The following ZNF385D variants were observed in gnomAD, a reference collection of about 807,000 sequenced individuals.
The protein encoded by ZNF385D is zinc finger protein 385D, also known as zinc finger protein 659.
A neutral mutation model predicts 35.8 loss-of-function variants in ZNF385D; 15 were observed. That is an observed-to-expected ratio of 0.42 (90% CI 0.28 to 0.64). ZNF385D has a LOEUF of 0.64. Among genes scored for constraint, ZNF385D ranks in the 30% least tolerant of loss-of-function variants. The pLI is 0.23. For missense variants in ZNF385D, 474 were observed against 494.6 expected, an observed-to-expected ratio of 0.96 and a Z score of 0.39; for synonymous variants, 212 against 186.8, an observed-to-expected ratio of 1.13 and a Z score of -1.10.
At chr3:22,294,015 T>C (rs563293831) in intron 2 of ZNF385D, among the ~76,000 whole-genome samples, 2 of 150,818 alleles carry the variant, frequency 1.3e-5, no homozygotes, top group Non-Finnish European at 2.9e-5. Flanking sequence ...TTGGCCTAGA[T>C]TGCAGCATTT....
chr3:21,494,591 G>A (rs1315737606), intron 4 of ZNF385D, among the ~76,000 whole-genome samples: 3 of 152,028 alleles, frequency 2.0e-5, no homozygotes, highest in Non-Finnish European at 2.9e-5. Context: ...CACTTCTTAC[G>A]GATTTTTTAT....
intron 2 of ZNF385D, among the ~76,000 whole-genome samples, chr3:22,320,304 G>C (rs1212147645): frequency 6.6e-6 from 1 of 152,062 alleles, no homozygotes; most frequent in African/African-American, 2.4e-5. Context: ...TAGTATTCTA[G>C]TAAGGGGAAA....
At chr3:22,174,163 G>A (rs986977740) in intron 2 of ZNF385D, among the ~76,000 whole-genome samples, 1 of 152,096 alleles carries the variant, frequency 6.6e-6, no homozygotes, top group African/African-American at 2.4e-5. Context: ...ATGAAAGTAT[G>A]TAAAATAGTG....
intron 3 of ZNF385D, among the ~76,000 whole-genome samples, chr3:22,061,035 G>T (rs887823219): frequency 1.3e-5 from 2 of 152,086 alleles, no homozygotes; most frequent in Admixed American, 1.3e-4. Flanking sequence ...TAAAAGGTTT[G>T]TTGATTTCTC....
chr3:21,592,421 T>G (rs2064001795), intron 2 of ZNF385D, among the ~76,000 whole-genome samples: 1 of 152,080 alleles, frequency 6.6e-6, no homozygotes. Flanking sequence ...AACAAGTTAA[T>G]GATTGCTACA....
chr3:22,212,779 A>G (rs1697607990), intron 2 of ZNF385D, among the ~76,000 whole-genome samples: 1 of 152,070 alleles, frequency 6.6e-6, no homozygotes, highest in Admixed American at 6.6e-5. Context: ...TAGTATAGCT[A>G]TAGTTAGCAA....
At chr3:21,908,120 ATC>A (rs1699779574) in intron 3 of ZNF385D, among the ~76,000 whole-genome samples, 2 of 37,192 alleles carry the variant, frequency 5.4e-5, no homozygotes, top group South Asian at 8.7e-4. Context: ...TTCTCTCTAT[ATC>A]TATCTATCTA....
At chr3:21,652,280 G>A (rs559617055) in intron 2 of ZNF385D, among the ~76,000 whole-genome samples, 45 of 152,080 alleles carry the variant, frequency 3.0e-4, no homozygotes, top group Admixed American at 3.3e-4. Flanking sequence ...TCTACTATAA[G>A]GCTTTTGAAC....
intron 2 of ZNF385D, among the ~76,000 whole-genome samples, chr3:22,350,783 C>CAA (rs1695880956): frequency 6.6e-6 from 1 of 152,010 alleles, no homozygotes; most frequent in Non-Finnish European, 1.5e-5. Flanking sequence ...AGACATTCTT[C>CAA]TGTGGCACTA....
Position 22,168,991 on chromosome 3 carries a change from G to T in ZNF385D, c.151C>A (p.Pro51Thr), listed in dbSNP as rs1038900882. Residue 51 changes from proline (P) to threonine (T), a missense_variant, in exon 3 of 6, where the codon CCT becomes ACT. Physicochemically the swap from Pro to Thr is conservative, Grantham distance 38. Coordinates refer to the ZNF385D transcript ENST00000494108. The stretch of plus-strand genomic sequence containing the variant: ...TCTGGTTTTTCTTCAAAGTCATCAG[G>T]TATTAATTCAGCCTCACTCTCGCCA... 10 of 985,672 alleles carry T rather than the reference G, an allele frequency of 1.0e-5. No homozygotes were observed. The African/African-American group carries it at 1.0e-4, about 10-fold the overall frequency. The allele number at this position is 985,672 out of a possible 1,614,324, so 61.1% of individuals were successfully genotyped here. A position where few individuals can be genotyped will look rare whatever the true frequency, so the allele number is the denominator to read the frequency against.
intron 3 of ZNF385D, among the ~76,000 whole-genome samples, chr3:21,909,710 G>C (rs996936862): frequency 6.6e-6 from 1 of 151,954 alleles, no homozygotes; most frequent in Non-Finnish European, 1.5e-5. Context: ...GAATGGATGT[G>C]GAGTAAGAAG....
chr3:21,788,526 T>C (rs1404942480), intron 3 of ZNF385D, among the ~76,000 whole-genome samples: 1 of 152,236 alleles, frequency 6.6e-6, no homozygotes, highest in Non-Finnish European at 1.5e-5. Flanking sequence ...TCAGAAATTT[T>C]GTTCTCATTT....
At chr3:22,211,228 A>G (rs190088221) in intron 2 of ZNF385D, among the ~76,000 whole-genome samples, 1 of 152,106 alleles carries the variant, frequency 6.6e-6, no homozygotes, top group Admixed American at 6.6e-5. Context: ...TCTGTAGTAC[A>G]TACCAGATAC....
chr3:22,138,677 A>T lies in ZNF385D; in HGVS notation c.325+30140T>A, dbSNP rs1249720004. Among the ~76,000 whole-genome samples the T allele has an allele frequency of 2.5e-4, 38 of 151,838 alleles. No individual in the cohort carries two copies. In the East Asian group the frequency reaches 6.2e-3, roughly 25 times the overall value. On this transcript the variant is annotated intron_variant, in intron 3 of 5. Transcript: ENST00000494108. ...AGACAAAAATTAATTCAAGATGGAT[A>T]AAAGACTTACATGTTAGACCTAAAA...
At chr3:21,896,536 C>A (rs1206339376) in intron 3 of ZNF385D, among the ~76,000 whole-genome samples, 1 of 152,024 alleles carries the variant, frequency 6.6e-6, no homozygotes, top group African/African-American at 2.4e-5. Flanking sequence ...GCCTTTTTTT[C>A]CCCCTGGTAT....
chr3:22,220,274 A>G (rs544353615), intron 2 of ZNF385D, among the ~76,000 whole-genome samples: 31 of 152,142 alleles, frequency 2.0e-4, no homozygotes, highest in African/African-American at 7.5e-4. Flanking sequence ...TATGTTGCCC[A>G]GACTGGTCTT....
At chr3:21,772,312 A>G (rs1181713002) in intron 3 of ZNF385D, among the ~76,000 whole-genome samples, 1 of 151,912 alleles carries the variant, frequency 6.6e-6, no homozygotes, top group Non-Finnish European at 1.5e-5. Context: ...GGAAGACAAT[A>G]TTTGCAAATC....
intron 2 of ZNF385D, among the ~76,000 whole-genome samples, chr3:21,623,990 C>T (rs757783650): frequency 3.9e-5 from 6 of 151,940 alleles, no homozygotes; most frequent in Non-Finnish European, 2.9e-5. Context: ...GGCTTTATGA[C>T]GACTTATGGT....
At chr3:21,923,771 C>G in intron 3 of ZNF385D, among the ~76,000 whole-genome samples, 1 of 152,092 alleles carries the variant, frequency 6.6e-6, no homozygotes, top group East Asian at 1.9e-4. Context: ...AAACCAAATA[C>G]CATAAGTTCT....
Sources: allele counts gnomAD v4.1 joint callset (sites outside exome capture counted in the v4.1 genomes callset), GRCh38; gene constraint gnomAD v4.1.1; transcripts MANE v1.5; gene names NCBI Gene and HGNC (gene_info 2026-07-23, HGNC 2026-07-21).